Variants in FNBP1 observed in about 807,000 individuals in gnomAD.
The protein encoded by FNBP1 is formin binding protein 1, also known as formin-binding protein 1.
FNBP1 carries 26 observed loss-of-function variants against 90.6 expected under a neutral mutation model. That is an observed-to-expected ratio of 0.29 (90% CI 0.21 to 0.40). FNBP1 has a LOEUF of 0.40. Among genes scored for constraint, FNBP1 ranks in the 10% least tolerant of loss-of-function variants. The pLI is 1.00. For missense variants in FNBP1, 635 were observed against 768.0 expected, an observed-to-expected ratio of 0.83 and a Z score of 2.05; for synonymous variants, 260 against 265.2, an observed-to-expected ratio of 0.98 and a Z score of 0.19.
intron 2 of FNBP1, among the ~76,000 whole-genome samples, chr9:129,983,275 T>C (rs1162537368): frequency 6.6e-6 from 1 of 152,176 alleles, no homozygotes; most frequent in Non-Finnish European, 1.5e-5. Context: ...GAAAAGACCA[T>C]CGAGTTCTGA....
chr9:129,915,943 A>G (rs1172660006), intron 11 of FNBP1, 23 bp downstream of exon 11: 5 of 1,595,746 alleles, frequency 3.1e-6, no homozygotes, highest in Non-Finnish European at 4.3e-6. Context: ...GACTCAGGAC[A>G]TGCATGGAAC....
chr9:130,022,266 G>A (rs1242637117), intron 1 of FNBP1, among the ~76,000 whole-genome samples: 1 of 151,638 alleles, frequency 6.6e-6, no homozygotes, highest in African/African-American at 2.4e-5. Context: ...GTGTAGTGGC[G>A]CGATCTCAGC....
intron 6 of FNBP1, among the ~76,000 whole-genome samples, chr9:129,956,839 C>G (rs914527426): frequency 6.6e-6 from 1 of 152,198 alleles, no homozygotes; most frequent in African/African-American, 2.4e-5. Context: ...ACCCTGGTGA[C>G]TCAACAGATA....
chr9:130,018,458 G>A (rs376329640), intron 1 of FNBP1, among the ~76,000 whole-genome samples: 8 of 152,106 alleles, frequency 5.3e-5, no homozygotes, highest in African/African-American at 1.9e-4. Context: ...CAGCTCTAGC[G>A]TCTCAGGCTG....
At chr9:129,955,932 C>G (rs528572894) in intron 6 of FNBP1, among the ~76,000 whole-genome samples, 3 of 151,666 alleles carry the variant, frequency 2.0e-5, no homozygotes, top group Non-Finnish European at 2.9e-5. Flanking sequence ...TTGGGCTAAT[C>G]TAACTTATTT....
At position 129,889,702 on chromosome 9, in the gene FNBP1, C is replaced by G. The variant is rs1588307606; in HGVS notation, c.*837G>C. On this transcript the variant is annotated 3_prime_UTR_variant, in exon 17 of 17. Coordinates refer to ENST00000446176, the MANE Select transcript of FNBP1 (RefSeq NM_015033.3). The stretch of plus-strand genomic sequence containing the variant: ...CAGAGGGGAGGGCCTCGCTCACAAG[C>G]GCATGATCTACAGTTCTCAGGGACA... 2.2e-5 allele frequency: 5 copies of G among 231,990 alleles called. No individual in the cohort carries two copies. In the Admixed American group the frequency reaches 2.8e-4, roughly 13 times the overall value. 14.4% of individuals were successfully genotyped at this position (231,990 alleles called of 1,614,324 possible). A position where few individuals can be genotyped will look rare whatever the true frequency, so the allele number is the denominator to read the frequency against.
At chr9:129,950,143 C>T (rs1044628348) in intron 6 of FNBP1, among the ~76,000 whole-genome samples, 17 of 152,296 alleles carry the variant, frequency 1.1e-4, no homozygotes, top group East Asian at 5.8e-4. Context: ...GTTAGCTTGA[C>T]GCTGACATAA....
rs2058445014 is a variant in FNBP1 at position 130,027,441 on chromosome 9, A to G, written c.24+15511T>C. 2.0e-5 allele frequency among the ~76,000 whole-genome samples: 3 copies of G among 152,310 alleles called. No individual in the cohort carries two copies. The South Asian group carries it at 6.2e-4, about 32-fold the overall frequency. On this transcript the variant is annotated intron_variant, in intron 1 of 16. Transcript: ENST00000446176. ...GACAATGATTTCATTTTATCTTTAAACTAGAATAAAAGGATACATGGTAGC... is the reference window on the plus strand; with the variant it reads ...GACAATGATTTCATTTTATCTTTAAGCTAGAATAAAAGGATACATGGTAGC...
intron 4 of FNBP1, among the ~76,000 whole-genome samples, chr9:129,963,634 T>TTTAA (rs139393699): frequency 2.8e-5 from 3 of 107,730 alleles, no homozygotes; most frequent in African/African-American, 1.1e-4. Context: ...TTTTTTTTTT[T>TTTAA]AAAAAAACAA....
chr9:129,932,377 C>CT (rs1039444357), intron 6 of FNBP1, among the ~76,000 whole-genome samples: 4 of 150,942 alleles, frequency 2.7e-5, no homozygotes, highest in African/African-American at 4.9e-5. Flanking sequence ...TTAGTATTGG[C>CT]TTTTTTTTTC....
chr9:129,888,746 C>T lies in FNBP1; in HGVS notation c.*1793G>A, dbSNP rs912924432. On this transcript the variant is annotated 3_prime_UTR_variant, in exon 17 of 17. Coordinates refer to ENST00000446176, the MANE Select transcript of FNBP1 (RefSeq NM_015033.3). ...TCCCCGAGGGCTGACTGAGCTGCTC[C>T]GGAAGGGTGGTGTGTGGTCAACCTT... 9 of 233,180 alleles carry T rather than the reference C, an allele frequency of 3.9e-5. No individual in the cohort carries two copies. The highest frequency in any genetic ancestry group is 5.9e-5 in the Non-Finnish European group (7 of 118,090). 14.4% of individuals were successfully genotyped at this position (233,180 alleles called of 1,614,324 possible).
rs377376120 is a variant in FNBP1, at chr9:129,889,847, G to C, written c.*692C>G. On this transcript the variant is annotated 3_prime_UTR_variant, in exon 17 of 17. Coordinates refer to ENST00000446176, the MANE Select transcript of FNBP1 (RefSeq NM_015033.3). ...CTCCCCAGGCCACTGAAAACAGGGC[G>C]TCAAACCAAAATGTGTGTATGCGCA... The C allele has an allele frequency of 4.3e-6, 1 of 233,100 alleles. No individual in the cohort carries two copies. The highest frequency in any genetic ancestry group is 8.5e-6 in the Non-Finnish European group (1 of 117,948). 14.4% of individuals were successfully genotyped at this position (233,100 alleles called of 1,614,324 possible).
chr9:130,043,750 C>T (rs2060017678), upstream of FNBP1, among the ~76,000 whole-genome samples: 1 of 152,184 alleles, frequency 6.6e-6, no homozygotes, highest in Non-Finnish European at 1.5e-5. Flanking sequence ...AATCCAGGGG[C>T]GTGCACCCAG....
chr9:129,958,160 A>G (rs1438844490), intron 5 of FNBP1, among the ~76,000 whole-genome samples: 1 of 152,166 alleles, frequency 6.6e-6, no homozygotes, highest in Non-Finnish European at 1.5e-5. Flanking sequence ...GGCTGGGTGC[A>G]GTGGCTCACG....
At chr9:129,904,763 C>T (rs1465281014) in intron 12 of FNBP1, among the ~76,000 whole-genome samples, 1 of 151,900 alleles carries the variant, frequency 6.6e-6, no homozygotes. Context: ...TATTATTATG[C>T]TTATTGTTCA....
chr9:129,917,164 C>T (rs529594400), intron 10 of FNBP1, among the ~76,000 whole-genome samples: 1 of 152,222 alleles, frequency 6.6e-6, no homozygotes, highest in South Asian at 2.1e-4. Flanking sequence ...AGGTGCCTGC[C>T]ACCACGCCCA....
In FNBP1 at chr9:129,970,052, C is replaced by A. The variant is rs1360131909; in HGVS notation, c.345+8413G>T. On this transcript the variant is annotated intron_variant, in intron 4 of 16. Coordinates refer to ENST00000446176, the MANE Select transcript of FNBP1 (RefSeq NM_015033.3). The stretch of plus-strand genomic sequence containing the variant: ...TACAGGCACCTCCCACCACGCCTGG[C>A]TAAGTTTTTGGGTTTGTTTTTTTTT... 2.0e-5 allele frequency among the ~76,000 whole-genome samples: 3 copies of A among 150,588 alleles called. No individual in the cohort carries two copies. In the East Asian group the frequency reaches 5.8e-4, roughly 29 times the overall value.
At position 129,965,698 on chromosome 9, in the gene FNBP1, G is replaced by A. The variant is rs57339397; in HGVS notation, c.346-7145C>T. ...TCTCTCTTAAAACACACACACACAC[G>A]CGCGCGCGCGCACACACACACACAC... On this transcript the variant is annotated intron_variant, in intron 4 of 16. Transcript: ENST00000446176. 1.1e-3 allele frequency among the ~76,000 whole-genome samples: 76 copies of A among 66,586 alleles called. No homozygotes were observed. In the East Asian group the frequency reaches 0.017, roughly 15 times the overall value. The allele number at this position is 66,586 out of a possible 152,430, so 43.7% of individuals were successfully genotyped here. A position where few individuals can be genotyped will look rare whatever the true frequency, so the allele number is the denominator to read the frequency against.
intron 12 of FNBP1, 53 bp downstream of exon 12, chr9:129,908,837 A>G: frequency 8.4e-7 from 1 of 1,189,052 alleles, no homozygotes; most frequent in Non-Finnish European, 1.2e-6. Flanking sequence ...ACAGGTTGTG[A>G]GCCACTGCGC....
Sources: allele counts gnomAD v4.1 joint callset (sites outside exome capture counted in the v4.1 genomes callset), GRCh38; gene constraint gnomAD v4.1.1; transcripts MANE v1.5; gene names NCBI Gene and HGNC (gene_info 2026-07-23, HGNC 2026-07-21).